The following RNF182 variants were observed in gnomAD, a reference collection of about 807,000 sequenced individuals.
RNF182 encodes E3 ubiquitin-protein ligase RNF182.
A neutral mutation model predicts 14.4 loss-of-function variants in RNF182; 15 were observed. The ratio of observed to expected loss-of-function variants is 1.04; its 90% confidence interval spans 0.70 to 1.60. RNF182 has a LOEUF of 1.60. Ranked by LOEUF, RNF182 falls within the 40% of genes most tolerant of loss-of-function variation. The probability of loss-of-function intolerance (pLI) is 0.00; values close to 1 mark genes in which losing one functional copy is unlikely to be tolerated. For synonymous variants in RNF182, 128 were observed against 122.9 expected, an observed-to-expected ratio of 1.04 and a Z score of -0.27; for missense variants, 268 against 294.8, an observed-to-expected ratio of 0.91 and a Z score of 0.67.
At chr6:13,964,597 G>A (rs771093537) in intron 1 of RNF182, among the ~76,000 whole-genome samples, 2 of 152,162 alleles carry the variant, frequency 1.3e-5, no homozygotes, top group Admixed American at 1.3e-4. Flanking sequence ...CTGAGTGCAA[G>A]TGAAACCCCA....
chr6:13,976,230 T>C (rs1581263976), intron 2 of RNF182, among the ~76,000 whole-genome samples: 1 of 152,234 alleles, frequency 6.6e-6, no homozygotes, highest in East Asian at 1.9e-4. Context: ...ATAATGCTTA[T>C]ATCGGGTGTT....
At chr6:13,936,177 ACCAGGCCC>A (rs1190287558) in intron 1 of RNF182, among the ~76,000 whole-genome samples, 1 of 152,152 alleles carries the variant, frequency 6.6e-6, no homozygotes, top group Non-Finnish European at 1.5e-5. Context: ...ATCACCTACC[ACCAGGCCC>A]CGCCTCCAAC....
intron 1 of RNF182, among the ~76,000 whole-genome samples, chr6:13,961,776 AG>A (rs972794146): frequency 6.6e-6 from 1 of 152,012 alleles, no homozygotes; most frequent in African/African-American, 2.4e-5. Flanking sequence ...TTCTTGGAGG[AG>A]GGGGGAGGTA....
chr6:13,929,586 A>G (rs1758914695), intron 1 of RNF182, among the ~76,000 whole-genome samples: 1 of 152,140 alleles, frequency 6.6e-6, no homozygotes, highest in African/African-American at 2.4e-5. Flanking sequence ...ATTCTTCCCT[A>G]TGGGCCAGAC....
At chr6:13,935,935 C>T (rs1407795755) in intron 1 of RNF182, among the ~76,000 whole-genome samples, 1 of 152,178 alleles carries the variant, frequency 6.6e-6, no homozygotes, top group Non-Finnish European at 1.5e-5. Context: ...TTAATTGACT[C>T]ACAGTTCTGC....
chr6:13,957,389 TC>T (rs2113623935), intron 1 of RNF182, among the ~76,000 whole-genome samples: 1 of 152,344 alleles, frequency 6.6e-6, no homozygotes, highest in East Asian at 1.9e-4. Context: ...TAGTTCTTTT[TC>T]TTCTTGTCAA....
intron 1 of RNF182, among the ~76,000 whole-genome samples, chr6:13,932,787 G>A (rs1360533357): frequency 2.0e-5 from 3 of 152,136 alleles, no homozygotes. Flanking sequence ...TGTACAGGCT[G>A]TTCCAATTAA....
intron 1 of RNF182, among the ~76,000 whole-genome samples, chr6:13,930,201 G>A (rs1225502068): frequency 6.6e-6 from 1 of 152,120 alleles, no homozygotes; most frequent in Non-Finnish European, 1.5e-5. Context: ...ATTGTATTAG[G>A]TATTATAAGC....
chr6:13,964,335 G>C (rs1172033791), intron 1 of RNF182, among the ~76,000 whole-genome samples: 1 of 152,172 alleles, frequency 6.6e-6, no homozygotes, highest in Non-Finnish European at 1.5e-5. Context: ...TTAGGGATGA[G>C]TATCAGTTTG....
At chr6:13,950,368 C>G (rs1759557012) in intron 1 of RNF182, among the ~76,000 whole-genome samples, 1 of 152,092 alleles carries the variant, frequency 6.6e-6, no homozygotes, top group Admixed American at 6.6e-5. Flanking sequence ...TAAAAAATGT[C>G]ATAGAAGCAG....
chr6:13,950,301 C>G (rs754720403), intron 1 of RNF182, among the ~76,000 whole-genome samples: 13 of 152,050 alleles, frequency 8.5e-5, no homozygotes, highest in Admixed American at 1.3e-4. Context: ...AGGCTAATTC[C>G]ATACATCTCA....
At chr6:13,967,816 C>T (rs1297637407) in intron 1 of RNF182, among the ~76,000 whole-genome samples, 1 of 152,022 alleles carries the variant, frequency 6.6e-6, no homozygotes, top group African/African-American at 2.4e-5. Context: ...GATTCTCTAC[C>T]CTCAGCCTCC....
rs1024777525 is a variant in RNF182 at position 13,979,492 on chromosome 6, C to G, written c.*1629C>G. 1.8e-5 allele frequency: 3 copies of G among 166,718 alleles called. No homozygotes were observed. The highest frequency in any genetic ancestry group is 2.9e-5 in the Non-Finnish European group (2 of 68,058). The allele number at this position is 166,718 out of a possible 1,614,324, so 10.3% of individuals were successfully genotyped here. A position where few individuals can be genotyped will look rare whatever the true frequency, so the allele number is the denominator to read the frequency against. ...AACTAAACTTCGGGAATATGTATGC[C>G]CAAAGTAAGTAGGATGAGAATAGTA... On this transcript the variant is annotated 3_prime_UTR_variant, in exon 3 of 3. Coordinates refer to ENST00000488300, the MANE Select transcript of RNF182 (RefSeq NM_152737.4).
chr6:13,966,508 A>G (rs965700627), intron 1 of RNF182, among the ~76,000 whole-genome samples: 9 of 152,190 alleles, frequency 5.9e-5, no homozygotes, highest in African/African-American at 2.2e-4. Flanking sequence ...CATACCTGTA[A>G]TCCCAGCACT....
intron 1 of RNF182, among the ~76,000 whole-genome samples, chr6:13,952,007 G>A (rs1381864674): frequency 6.6e-6 from 1 of 152,192 alleles, no homozygotes; most frequent in African/African-American, 2.4e-5. Flanking sequence ...TTAAAGTGGG[G>A]TGGGATGACC....
rs1051104032 is a variant in RNF182 at position 13,956,868 on chromosome 6, C to T, written c.-366-17342C>T. Among the ~76,000 whole-genome samples, 4 of 152,232 alleles carry T rather than the reference C, an allele frequency of 2.6e-5. No individual in the cohort carries two copies. In the South Asian group the frequency reaches 8.3e-4, roughly 32 times the overall value. The stretch of plus-strand genomic sequence containing the variant: ...TGGGCTGATATGAAAGGAAGCCATG[C>T]TCTACTTTCTTCCTGCTCTATAGTC... On this transcript the variant is annotated intron_variant, in intron 1 of 2. Transcript: ENST00000488300.
intron 1 of RNF182, among the ~76,000 whole-genome samples, chr6:13,960,604 T>G (rs1472429372): frequency 6.6e-6 from 1 of 152,148 alleles, no homozygotes; most frequent in Non-Finnish European, 1.5e-5. Flanking sequence ...TTGGTGATTT[T>G]CAGCCATGGC....
chr6:13,956,259 C>A (rs1304336363), intron 1 of RNF182, among the ~76,000 whole-genome samples: 1 of 149,724 alleles, frequency 6.7e-6, no homozygotes, highest in Non-Finnish European at 1.5e-5. Context: ...CTGTTTTTAG[C>A]TTCTGCTGCA....
chr6:13,940,309 T>TA (rs1400992727), intron 1 of RNF182, among the ~76,000 whole-genome samples: 4 of 152,182 alleles, frequency 2.6e-5, no homozygotes, highest in Non-Finnish European at 4.4e-5. Context: ...AATCACATTT[T>TA]AAAAAAATGT....
Sources: gnomAD v4.1 joint callset for allele counts (sites outside exome capture counted in the v4.1 genomes callset) on GRCh38, gnomAD v4.1.1 for gene constraint, MANE v1.5 for transcripts, NCBI Gene and HGNC (gene_info 2026-07-23, HGNC 2026-07-21) for gene names.